The following PLA2R1 variants were observed in gnomAD, a reference collection of about 807,000 sequenced individuals.
PLA2R1 encodes the protein secretory phospholipase A2 receptor.
A neutral mutation model predicts 195.9 loss-of-function variants in PLA2R1; 158 were observed. The observed-to-expected ratio is 0.81, with a 90% CI of 0.71 to 0.92. The LOEUF is 0.92. Ranked by LOEUF, PLA2R1 falls within the 40% of genes least tolerant of loss-of-function variation. PLA2R1 has a pLI of 0.00. For synonymous variants in PLA2R1, 586 were observed against 598.2 expected (o/e 0.98, Z 0.30); for missense variants, 1,626 against 1,764.6 (o/e 0.92, Z 1.41).
Position 160,043,814 on chromosome 2 carries a change from G to A in PLA2R1, c.493+960C>T, listed in dbSNP as rs186165347. ...CTGAAAATGCCTGGCCCTTGGCTCT[G>A]TCTCTTTTTAATCATTTCTTCTTTA... On this transcript the variant is annotated intron_variant, in intron 2 of 29. Transcript: ENST00000283243. 5.3e-5 allele frequency among the ~76,000 whole-genome samples: 8 copies of A among 152,306 alleles called. No individual in the cohort carries two copies. The South Asian group carries it at 6.2e-4, about 12-fold the overall frequency.
intron 13 of PLA2R1, among the ~76,000 whole-genome samples, chr2:159,982,452 T>C (rs1690017777): frequency 6.6e-6 from 1 of 152,232 alleles, no homozygotes; most frequent in South Asian, 2.1e-4. Context: ...CTGTGGGATG[T>C]CAATAAGTGT....
the PLA2R1 span, among the ~76,000 whole-genome samples, chr2:159,924,826 C>G: frequency 2.6e-5 from 4 of 151,276 alleles, no homozygotes; most frequent in Admixed American, 2.6e-4. Context: ...CAGGAAAAAT[C>G]TGTTCCAGAC....
At chr2:160,007,813 A>G (rs1167090743) in intron 10 of PLA2R1, among the ~76,000 whole-genome samples, 2 of 152,200 alleles carry the variant, frequency 1.3e-5, no homozygotes, top group Non-Finnish European at 2.9e-5. Flanking sequence ...TGCTCATACT[A>G]CCTAAAGTGA....
Position 160,033,028 on chromosome 2 carries a change from AATG to A in PLA2R1, c.769_771del (p.His257del). On this transcript the variant is annotated inframe_deletion, in exon 4 of 30. Transcript: ENST00000283243. ...GTACCTCCTTGCATCTGGCATGAAG[AATG>A]TGCCTCACTCCAAGAGAGAGATGAA... 1 of 1,613,552 alleles carries A rather than the reference AATG, an allele frequency of 6.2e-7. No homozygotes were observed. The highest frequency in any genetic ancestry group is 1.7e-5 in the Admixed American group (1 of 59,964).
At chr2:160,023,771 A>C (rs1185214601) in intron 6 of PLA2R1, among the ~76,000 whole-genome samples, 2 of 152,196 alleles carry the variant, frequency 1.3e-5, no homozygotes, top group Non-Finnish European at 2.9e-5. Context: ...CTGCCACAGG[A>C]ACAGCCAAAG....
intron 20 of PLA2R1, among the ~76,000 whole-genome samples, chr2:159,962,625 GA>G (rs369784528): frequency 1.3e-5 from 2 of 152,136 alleles, no homozygotes; most frequent in African/African-American, 4.8e-5. Context: ...CAAAGACTTG[GA>G]ACCAACCCAA....
intron 10 of PLA2R1, among the ~76,000 whole-genome samples, chr2:160,009,314 T>C (rs1338879588): frequency 6.6e-6 from 1 of 152,204 alleles, no homozygotes; most frequent in Admixed American, 6.5e-5. Flanking sequence ...CAAATGTCCA[T>C]TAATGGATGA....
At chr2:160,040,358 AC>A (rs1694449929) in intron 3 of PLA2R1, among the ~76,000 whole-genome samples, 1 of 151,952 alleles carries the variant, frequency 6.6e-6, no homozygotes, top group South Asian at 2.1e-4. Context: ...GGAATTCCCA[AC>A]CCCCACACTA....
chr2:159,986,648 G>A (rs753647358), intron 12 of PLA2R1, among the ~76,000 whole-genome samples: 5 of 150,938 alleles, frequency 3.3e-5, no homozygotes, highest in East Asian at 3.9e-4. Context: ...GTGCTATGGC[G>A]CAGTCTCGGC....
chr2:159,938,375 G>A lies in PLA2R1; in HGVS notation c.*3403C>T, dbSNP rs1021191665. On this transcript the variant is annotated 3_prime_UTR_variant, in exon 30 of 30. Transcript: ENST00000283243. ...TGTGGGTGAGAAATAAACCTTTGCT[G>A]TGTTAATCCACCAAGACTGTGGGAT... The A allele has an allele frequency of 6.6e-6, 1 of 152,294 alleles. No homozygotes were observed. The highest frequency in any genetic ancestry group is 1.5e-5 in the Non-Finnish European group (1 of 68,084). 9.4% of individuals were successfully genotyped at this position (152,294 alleles called of 1,614,324 possible).
At chr2:160,025,305 C>A (rs1558954721) in intron 6 of PLA2R1, among the ~76,000 whole-genome samples, 1 of 151,996 alleles carries the variant, frequency 6.6e-6, no homozygotes, top group Non-Finnish European at 1.5e-5. Flanking sequence ...AAGCTATGAT[C>A]ATGCCACCAT....
intron 17 of PLA2R1, 77 bp downstream of exon 17, chr2:159,975,991 A>G: frequency 1.0e-6 from 1 of 970,666 alleles, no homozygotes; most frequent in Middle Eastern, 2.1e-4. Flanking sequence ...AATCGAAAAA[A>G]CTATCCCTCC....
chr2:159,947,277 A>G (rs1687448663), intron 26 of PLA2R1, 142 bp downstream of exon 26: 4 of 692,742 alleles, frequency 5.8e-6, no homozygotes, highest in Non-Finnish European at 7.0e-6. Context: ...AGCAATTTCA[A>G]TAGTATTTAT....
chr2:159,958,451 T>C (rs545216486), intron 20 of PLA2R1, among the ~76,000 whole-genome samples: 1 of 152,252 alleles, frequency 6.6e-6, no homozygotes, highest in South Asian at 2.1e-4. Flanking sequence ...TTTATAGAAA[T>C]GCAAGACTGG....
chr2:160,044,997 C>T lies in PLA2R1; in HGVS notation c.270G>A (p.Leu90=). The stretch of plus-strand genomic sequence containing the variant: ...GCTCTGGGGCGGAGAAATTCAGGCC[C>T]AGGCAACCACTGCCTCCTATGTTAA... ...GLFNIGGSGC[L]GLNFSAPEQP... The change falls in exon 2 of 30, where the codon CTG becomes CTA. Residue 90 remains leucine, a synonymous_variant. Coordinates refer to ENST00000283243, the MANE Select transcript of PLA2R1 (RefSeq NM_007366.5). 6.2e-7 allele frequency: 1 copy of T among 1,614,086 alleles called. No homozygotes were observed.
chr2:159,942,886 A>G (rs138082108), intron 28 of PLA2R1, among the ~76,000 whole-genome samples: 60 of 152,214 alleles, frequency 3.9e-4, no homozygotes, highest in African/African-American at 1.4e-3. Flanking sequence ...TTGATGTCCT[A>G]CTGATGCTCA....
Position 159,951,333 on chromosome 2 carries a change from T to C in PLA2R1, c.3540+7A>G. 6.7e-7 allele frequency: 1 copy of C among 1,490,302 alleles called. No homozygotes were observed. The highest frequency in any genetic ancestry group is 9.4e-7 in the Non-Finnish European group (1 of 1,067,014). 92.3% of individuals were successfully genotyped at this position (1,490,302 alleles called of 1,614,324 possible). A position where few individuals can be genotyped will look rare whatever the true frequency, so the allele number is the denominator to read the frequency against. ...CAAGGATGTCTCAAGGGAGTTAGGA[T>C]ACCTACATCTGTGGTGAACAGTCCA... On this transcript the variant is annotated splice_region_variant and intron_variant, in intron 24 of 29. Coordinates refer to ENST00000283243, the MANE Select transcript of PLA2R1 (RefSeq NM_007366.5).
chr2:159,948,773 A>G (rs1246355814), intron 25 of PLA2R1, among the ~76,000 whole-genome samples: 3 of 152,106 alleles, frequency 2.0e-5, no homozygotes, highest in Non-Finnish European at 4.4e-5. Flanking sequence ...ATCTAAAAAT[A>G]TATAATTTGT....
intron 1 of PLA2R1, among the ~76,000 whole-genome samples, chr2:160,055,672 A>G (rs1474085550): frequency 1.3e-5 from 2 of 152,206 alleles, no homozygotes; most frequent in Admixed American, 6.5e-5. Flanking sequence ...TCGAATCCCC[A>G]TGCTGCAAGC....
Sources: allele counts gnomAD v4.1 joint callset (sites outside exome capture counted in the v4.1 genomes callset), GRCh38; gene constraint gnomAD v4.1.1; transcripts MANE v1.5; gene names NCBI Gene and HGNC (gene_info 2026-07-23, HGNC 2026-07-21).